HRH2: variants seen among roughly 807,000 people sequenced by gnomAD.
HRH2 encodes the protein histamine H2 receptor.
A neutral mutation model predicts 20.1 loss-of-function variants in HRH2; 4 were observed. The observed-to-expected ratio is 0.20, with a 90% CI of 0.10 to 0.45. The LOEUF (loss-of-function observed/expected upper bound fraction) is 0.45, where lower values mean the gene tolerates loss of function less well. HRH2 is among the 20% of genes least tolerant of loss of function. HRH2 has a pLI of 0.99. For synonymous variants in HRH2, 197 were observed against 200.7 expected (o/e 0.98, Z 0.16); for missense variants, 250 against 461.6 (o/e 0.54, Z 4.20).
intron 2 of HRH2, among the ~76,000 whole-genome samples, chr5:175,698,289 G>A (rs937200771): frequency 5.3e-5 from 8 of 152,154 alleles, no homozygotes; most frequent in East Asian, 1.9e-4. Context: ...CGTCTGTGCC[G>A]TTTCGCCTAA....
intron 1 of HRH2, among the ~76,000 whole-genome samples, chr5:175,666,787 G>T (rs1038074545): frequency 6.6e-6 from 1 of 152,012 alleles, no homozygotes; most frequent in Non-Finnish European, 1.5e-5. Flanking sequence ...GCTCATTTGG[G>T]ACCATACTGC....
At chr5:175,699,671 T>C (rs1310938050) in intron 2 of HRH2, among the ~76,000 whole-genome samples, 1 of 152,178 alleles carries the variant, frequency 6.6e-6, no homozygotes, top group Non-Finnish European at 1.5e-5. Context: ...CCTCCTGGGT[T>C]CACGCCATTC....
intron 1 of HRH2, among the ~76,000 whole-genome samples, chr5:175,680,080 C>T (rs1581430437): frequency 6.6e-6 from 1 of 152,230 alleles, no homozygotes; most frequent in Admixed American, 6.5e-5. Flanking sequence ...GAGGATCCAG[C>T]AGGACAGTTG....
chr5:175,670,242 G>A (rs1755477415), intron 1 of HRH2, among the ~76,000 whole-genome samples: 1 of 152,112 alleles, frequency 6.6e-6, no homozygotes, highest in Non-Finnish European at 1.5e-5. Context: ...AGACCAGCCT[G>A]GGCAACATAG....
At chr5:175,668,132 T>A (rs1016880371) in intron 1 of HRH2, among the ~76,000 whole-genome samples, 1 of 152,044 alleles carries the variant, frequency 6.6e-6, no homozygotes, top group African/African-American at 2.4e-5. Context: ...GGGGATGAGG[T>A]TCTGGAAGGG....
intron 1 of HRH2, among the ~76,000 whole-genome samples, chr5:175,659,495 A>G (rs917113426): frequency 2.0e-5 from 3 of 152,188 alleles, no homozygotes; most frequent in African/African-American, 7.2e-5. Context: ...TACTCGGTGC[A>G]TTACAAGTAC....
intron 2 of HRH2, chr5:175,685,257 AC>A (rs546895709): frequency 2.6e-3 from 482 of 185,748 alleles, no homozygotes; most frequent in African/African-American, 0.011. Context: ...CACACCAAAG[AC>A]CTGAGTGGCA....
chr5:175,696,394 C>G (rs1233210869), intron 2 of HRH2, among the ~76,000 whole-genome samples: 1 of 152,178 alleles, frequency 6.6e-6, no homozygotes, highest in East Asian at 1.9e-4. Flanking sequence ...GGCAGGGAGC[C>G]CCCCACTTTG....
chr5:175,658,631 G>C (rs537009841), intron 1 of HRH2, among the ~76,000 whole-genome samples: 3 of 152,274 alleles, frequency 2.0e-5, no homozygotes, highest in South Asian at 4.1e-4. Flanking sequence ...AGCGGAGAGC[G>C]GGGGCTGCTG....
At chr5:175,669,433 G>A (rs190840672) in intron 1 of HRH2, among the ~76,000 whole-genome samples, 123 of 149,894 alleles carry the variant, frequency 8.2e-4, no homozygotes, top group Middle Eastern at 3.4e-3. Context: ...GTGCAATCTC[G>A]GCTCACTGCA....
chr5:175,662,307 TG>T (rs1762761538), intron 1 of HRH2, among the ~76,000 whole-genome samples: 2 of 152,206 alleles, frequency 1.3e-5, no homozygotes. Context: ...TGTCAACATC[TG>T]GAGCTATTTT....
At chr5:175,675,365 A>T (rs906906829) in intron 1 of HRH2, among the ~76,000 whole-genome samples, 2 of 152,170 alleles carry the variant, frequency 1.3e-5, no homozygotes, top group Non-Finnish European at 2.9e-5. Context: ...CTTCAGAACT[A>T]AGTCCAAACT....
In HRH2 at chr5:175,684,035, G is replaced by A; in HGVS notation, c.802G>A (p.Val268Met). 2 of 1,614,174 alleles carry A rather than the reference G, an allele frequency of 1.2e-6. No homozygotes were observed. The highest frequency in any genetic ancestry group is 2.2e-5 in the East Asian group (1 of 44,884). The stretch of plus-strand genomic sequence containing the variant: ...GAGAGGGGATGATGCCATCAATGAG[G>A]TGTTAGAAGCCATCGTTCTGTGGCT... ...GLRGDDAINE[V>M]LEAIVLWLGY... Residue 268 changes from valine to methionine, a missense_variant, in exon 2 of 3, where the codon GTG becomes ATG. Physicochemically the swap from Val to Met is conservative, Grantham distance 21 (BLOSUM62 1). Transcript: ENST00000636584.
intron 2 of HRH2, among the ~76,000 whole-genome samples, chr5:175,706,992 C>T (rs1402430739): frequency 1.3e-5 from 2 of 152,194 alleles, no homozygotes; most frequent in Non-Finnish European, 1.5e-5. Flanking sequence ...TTCCCCAACT[C>T]GGGGCATGCT....
intron 2 of HRH2, 44 bp downstream of exon 2, chr5:175,684,353 G>A (rs1756093888): frequency 1.3e-6 from 2 of 1,592,458 alleles, no homozygotes; most frequent in African/African-American, 2.7e-5. Flanking sequence ...GGCAATGGGA[G>A]GGGATGCTAC....
At chr5:175,697,768 A>T (rs551905838) in intron 2 of HRH2, among the ~76,000 whole-genome samples, 2 of 152,324 alleles carry the variant, frequency 1.3e-5, no homozygotes, top group East Asian at 3.9e-4. Flanking sequence ...CTCCGACTAC[A>T]GAATCCCTTT....
At chr5:175,695,514 G>A (rs142148583) in intron 2 of HRH2, among the ~76,000 whole-genome samples, 167 of 152,280 alleles carry the variant, frequency 1.1e-3, no homozygotes, top group African/African-American at 4.0e-3. Flanking sequence ...ACATCTTCAT[G>A]CAGGGAACAC....
At chr5:175,703,716 A>C (rs1311625068) in intron 2 of HRH2, among the ~76,000 whole-genome samples, 2 of 152,268 alleles carry the variant, frequency 1.3e-5, no homozygotes, top group African/African-American at 2.4e-5. Context: ...AATAAAGGGG[A>C]GATATTAATA....
chr5:175,697,309 A>C (rs1474410609), intron 2 of HRH2, among the ~76,000 whole-genome samples: 1 of 151,616 alleles, frequency 6.6e-6, no homozygotes, highest in East Asian at 1.9e-4. Context: ...TAAAAATACA[A>C]AAAATTAGCC....
Sources: allele counts gnomAD v4.1 joint callset (sites outside exome capture counted in the v4.1 genomes callset), GRCh38; gene constraint gnomAD v4.1.1; transcripts MANE v1.5; gene names NCBI Gene and HGNC (gene_info 2026-07-23, HGNC 2026-07-21).